Variants in PRR16 observed in about 807,000 individuals in gnomAD.
The protein encoded by PRR16 is proline rich 16.
In PRR16, 6 loss-of-function variants were observed where a neutral mutation model predicts 18.2. The observed-to-expected ratio is 0.33, with a 90% confidence interval of 0.18 to 0.65. The LOEUF (loss-of-function observed/expected upper bound fraction) is 0.65, where lower values mean the gene tolerates loss of function less well. Ranked by LOEUF, PRR16 falls within the 30% of genes least tolerant of loss-of-function variation. The pLI is 0.74. For missense variants in PRR16, 412 were observed against 376.6 expected, an observed-to-expected ratio of 1.09 and a Z score of -0.78; for synonymous variants, 151 against 147.8, an observed-to-expected ratio of 1.02 and a Z score of -0.16.
intron 1 of PRR16, among the ~76,000 whole-genome samples, chr5:120,573,919 CAAACA>C (rs1752983579): frequency 7.3e-6 from 1 of 136,372 alleles, no homozygotes; most frequent in Non-Finnish European, 1.6e-5. Context: ...ATATATATAT[CAAACA>C]CCATTTAGTA....
At chr5:120,751,347 C>T in the PRR16 span, among the ~76,000 whole-genome samples, 21 of 152,092 alleles carry the variant, frequency 1.4e-4, no homozygotes, top group Non-Finnish European at 2.9e-5. Flanking sequence ...GAGACAGCTC[C>T]ATACTGTTTT....
chr5:120,754,701 A>T, the PRR16 span, among the ~76,000 whole-genome samples: 2 of 142,780 alleles, frequency 1.4e-5, no homozygotes, highest in Non-Finnish European at 3.0e-5. Context: ...TTCCTGATAT[A>T]ACTAAAACAT....
chr5:120,698,557 A>G, the PRR16 span, among the ~76,000 whole-genome samples: 1 of 148,244 alleles, frequency 6.7e-6, no homozygotes, highest in Non-Finnish European at 1.5e-5. Flanking sequence ...AACCGTGAAT[A>G]GGAGTATGAC....
At chr5:120,535,889 G>A (rs1433615719) in intron 1 of PRR16, among the ~76,000 whole-genome samples, 2 of 152,156 alleles carry the variant, frequency 1.3e-5, no homozygotes, top group Admixed American at 6.5e-5. Context: ...GATGTCTTGA[G>A]CCCAGGAGTT....
At chr5:120,699,666 G>T in the PRR16 span, among the ~76,000 whole-genome samples, 1 of 152,274 alleles carries the variant, frequency 6.6e-6, no homozygotes, top group Admixed American at 6.5e-5. Flanking sequence ...TTAAAGCAGT[G>T]GCAGCCGCTG....
chr5:120,746,481 CG>C, the PRR16 span, among the ~76,000 whole-genome samples: 1 of 151,976 alleles, frequency 6.6e-6, no homozygotes, highest in South Asian at 2.1e-4. Flanking sequence ...TGAGCCAACT[CG>C]GAACTAAAAC....
the PRR16 span, among the ~76,000 whole-genome samples, chr5:120,761,002 C>T: frequency 1.3e-5 from 2 of 151,962 alleles, no homozygotes; most frequent in Admixed American, 1.3e-4. Flanking sequence ...GAGACCAAAC[C>T]AGGTCACATT....
intron 1 of PRR16, among the ~76,000 whole-genome samples, chr5:120,614,623 G>C (rs1754446821): frequency 6.6e-6 from 1 of 152,186 alleles, no homozygotes; most frequent in Admixed American, 6.5e-5. Context: ...ATACATGAGA[G>C]GAACAAAAGA....
rs527801440 is a variant in PRR16 at position 120,576,673 on chromosome 5, C to G, written c.160-109281C>G. On this transcript the variant is annotated intron_variant, in intron 1 of 1. Coordinates refer to ENST00000407149, the MANE Select transcript of PRR16 (RefSeq NM_001300783.2). ...TGGCTGCTTGAGCTGGGACAGTGGT[C>G]TTTTCCTTGAGTAGGACAGTTTGAG... Among the ~76,000 whole-genome samples, 491 of 152,240 alleles carry G rather than the reference C, an allele frequency of 3.2e-3. 1 individual carries two copies. Among genetic ancestry groups the G allele is most frequent in the Non-Finnish European group, 4.6e-3 (311 of 68,000 alleles).
chr5:120,505,413 G>A (rs1163806298), intron 1 of PRR16, among the ~76,000 whole-genome samples: 1 of 152,196 alleles, frequency 6.6e-6, no homozygotes, highest in African/African-American at 2.4e-5. Context: ...TCCTGCTTGG[G>A]CAGGTGTCCA....
intron 1 of PRR16, among the ~76,000 whole-genome samples, chr5:120,664,456 G>GTT (rs139876334): frequency 4.6e-4 from 68 of 147,886 alleles, no homozygotes; most frequent in African/African-American, 4.4e-4. Flanking sequence ...AAATGTTTTT[G>GTT]TTTTTTTTTT....
At chr5:120,671,256 C>A (rs1756593001) in intron 1 of PRR16, among the ~76,000 whole-genome samples, 1 of 152,158 alleles carries the variant, frequency 6.6e-6, no homozygotes, top group Non-Finnish European at 1.5e-5. Flanking sequence ...TCTACCTCTT[C>A]TCTCAAAGAT....
intron 1 of PRR16, among the ~76,000 whole-genome samples, chr5:120,574,262 GATA>G (rs1753004012): frequency 6.6e-6 from 1 of 152,090 alleles, no homozygotes; most frequent in Admixed American, 6.6e-5. Flanking sequence ...AATAATAAAA[GATA>G]ATCATATACA....
At chr5:120,682,645 G>T (rs1003319633) in intron 1 of PRR16, among the ~76,000 whole-genome samples, 1 of 152,094 alleles carries the variant, frequency 6.6e-6, no homozygotes, top group African/African-American at 2.4e-5. Context: ...ATAGGACAAG[G>T]ACCCATGAGC....
chr5:120,785,929 T>A, the PRR16 span, among the ~76,000 whole-genome samples: 1 of 151,822 alleles, frequency 6.6e-6, no homozygotes. Flanking sequence ...GCTTTTTATG[T>A]TTTTCTTTTT....
At chr5:120,549,584 G>T (rs181399148) in intron 1 of PRR16, among the ~76,000 whole-genome samples, 49 of 151,908 alleles carry the variant, frequency 3.2e-4, no homozygotes, top group African/African-American at 1.2e-3. Flanking sequence ...TTCATTGTCT[G>T]CAGGACTCAG....
chr5:120,540,736 T>C (rs1482535460), intron 1 of PRR16, among the ~76,000 whole-genome samples: 1 of 152,172 alleles, frequency 6.6e-6, no homozygotes, highest in African/African-American at 2.4e-5. Context: ...CAAGGTCTGA[T>C]TGCAAAAATT....
At chr5:120,763,556 A>G in the PRR16 span, among the ~76,000 whole-genome samples, 1 of 152,126 alleles carries the variant, frequency 6.6e-6, no homozygotes, top group Non-Finnish European at 1.5e-5. Context: ...TTTTGGTTCC[A>G]TATTAATTTT....
chr5:120,634,684 A>C (rs140800136), intron 1 of PRR16, among the ~76,000 whole-genome samples: 48 of 152,214 alleles, frequency 3.2e-4, no homozygotes, highest in African/African-American at 1.1e-3. Context: ...CAGATAGTAT[A>C]AGGTCAGACT....
Sources: allele counts gnomAD v4.1 joint callset (sites outside exome capture counted in the v4.1 genomes callset), GRCh38; gene constraint gnomAD v4.1.1; transcripts MANE v1.5; gene names NCBI Gene and HGNC (gene_info 2026-07-23, HGNC 2026-07-21).